The following ARID1A variants were observed in gnomAD, a reference collection of about 807,000 sequenced individuals.
ARID1A encodes the protein AT-rich interaction domain 1A.
Under a neutral mutation model 212.6 loss-of-function variants are expected in ARID1A, and 20 were observed. The ratio of observed to expected loss-of-function variants is 0.09; its 90% CI spans 0.07 to 0.14. The LOEUF (loss-of-function observed/expected upper bound fraction) is 0.14, where lower values mean the gene tolerates loss of function less well. Ranked by LOEUF, ARID1A falls within the 10% of genes least tolerant of loss-of-function variation. ARID1A has a pLI of 1.00. For missense variants in ARID1A, 2,587 were observed against 3,059.0 expected (o/e 0.85, Z 3.64); for synonymous variants, 1,376 against 1,222.1 (o/e 1.13, Z -2.63).
At position 26,779,809 on chromosome 1, in the gene ARID1A, C is replaced by T. The variant is rs372543523; in HGVS notation, c.5911C>T (p.Leu1971=). 1.2e-6 allele frequency: 2 copies of T among 1,614,116 alleles called. No homozygotes were observed. The highest frequency in any genetic ancestry group is 1.7e-6 in the Non-Finnish European group (2 of 1,180,024). ...SKDETPLCTL[L]DWQDSLAKRC... Reference sequence around the variant, plus strand: ...GGATGAGACCCCACTGTGTACCCTTCTGGACTGGCAGGATTCTCTTGCCAA... The same window carrying T: ...GGATGAGACCCCACTGTGTACCCTTTTGGACTGGCAGGATTCTCTTGCCAA... Residue 1971 remains leucine (L), a synonymous_variant, in exon 20 of 20, where the codon CTG becomes TTG. Coordinates refer to ENST00000324856, the MANE Select transcript of ARID1A (RefSeq NM_006015.6).
intron 4 of ARID1A, among the ~76,000 whole-genome samples, chr1:26,740,487 A>C (rs574128769): frequency 3.5e-4 from 54 of 152,342 alleles, no homozygotes; most frequent in African/African-American, 1.2e-3. Flanking sequence ...ACAAAGGGAA[A>C]GTCCAGCTTG....
At chr1:26,755,878 G>T (rs1383716197) in intron 4 of ARID1A, among the ~76,000 whole-genome samples, 1 of 151,752 alleles carries the variant, frequency 6.6e-6, no homozygotes, top group Non-Finnish European at 1.5e-5. Flanking sequence ...CGAGTAACTG[G>T]GACTGCAGGC....
rs893831781 is a variant in ARID1A, at chr1:26,730,005, C to A, written c.1350+142C>A. 3 of 1,050,156 alleles carry A rather than the reference C, an allele frequency of 2.9e-6. No individual in the cohort carries two copies. The African/African-American group carries it at 4.8e-5, about 17-fold the overall frequency. The allele number at this position is 1,050,156 out of a possible 1,614,324, so 65.1% of individuals were successfully genotyped here. On this transcript the variant is annotated intron_variant, in intron 2 of 19. Transcript: ENST00000324856. ...TGGCTCAGTTAATTACAGAGTGCTA[C>A]TAACAAAGCCAAAGCTATAGGCACC...
chr1:26,762,129 A>T (rs370601808), intron 6 of ARID1A, 23 bp from the exon 7 acceptor site: 2 of 1,603,302 alleles, frequency 1.2e-6, no homozygotes, highest in African/African-American at 2.7e-5. Flanking sequence ...GCTAATAACT[A>T]TATGGATGCT....
At chr1:26,733,554 T>G (rs989891286) in intron 4 of ARID1A, among the ~76,000 whole-genome samples, 3 of 152,226 alleles carry the variant, frequency 2.0e-5, no homozygotes, top group Non-Finnish European at 4.4e-5. Context: ...ATTGGGACTG[T>G]GCTTTATACC....
intron 4 of ARID1A, among the ~76,000 whole-genome samples, chr1:26,737,789 T>C (rs1393662893): frequency 6.6e-6 from 1 of 150,734 alleles, no homozygotes; most frequent in Non-Finnish European, 1.5e-5. Flanking sequence ...CGCTTGAACC[T>C]GGGAGGCAGA....
At position 26,774,589 on chromosome 1, in the gene ARID1A, A is replaced by G. The variant is rs2081115967; in HGVS notation, c.4362A>G (p.Gln1454=). Residue 1454 remains glutamine, a synonymous_variant, in exon 18 of 20, where the codon CAA becomes CAG. Coordinates refer to ENST00000324856, the MANE Select transcript of ARID1A (RefSeq NM_006015.6). The surrounding 1 kb of genome is among the most constrained non-coding windows in gnomAD (Gnocchi z 5.6). Reference sequence around the variant, plus strand: ...GACCAGCAGGCGGCCCCCAGAACCAATTTCCATTCCAGTTTGGCCGAGACC... The same window carrying G: ...GACCAGCAGGCGGCCCCCAGAACCAGTTTCCATTCCAGTTTGGCCGAGACC... The part of the protein sequence containing the change: ...ERRPAGGPQN[Q]FPFQFGRDRV... 6.2e-7 allele frequency: 1 copy of G among 1,614,012 alleles called. No homozygotes were observed. Among genetic ancestry groups the G allele is most frequent in the South Asian group, 1.1e-5 (1 of 91,084 alleles).
rs2124742834 is a variant in ARID1A, at chr1:26,697,042, C to T, written c.639C>T (p.Asn213=). ...ACGGCTTCCCCAACCACCAGTACAACTCCTACTACCCCAACCGCAGCGCCT... is the reference window on the plus strand; with the variant it reads ...ACGGCTTCCCCAACCACCAGTACAATTCCTACTACCCCAACCGCAGCGCCT... ...HDHGFPNHQY[N]SYYPNRSAYP... is the part of the protein sequence containing the mutation. The change falls in exon 1 of 20, where the codon AAC becomes AAT. Residue 213 remains asparagine, a synonymous_variant. Transcript: ENST00000324856. 2 of 1,539,640 alleles carry T rather than the reference C, an allele frequency of 1.3e-6. No individual in the cohort carries two copies. Among genetic ancestry groups the T allele is most frequent in the South Asian group, 1.2e-5 (1 of 82,972 alleles).
chr1:26,708,517 C>G (rs1297965419), intron 1 of ARID1A, among the ~76,000 whole-genome samples: 1 of 151,354 alleles, frequency 6.6e-6, no homozygotes, highest in Non-Finnish European at 1.5e-5. Flanking sequence ...AACTCCTGAC[C>G]TTGTGATCCA....
rs2124145412 is a variant in ARID1A at position 26,779,955 on chromosome 1, C to T, written c.6057C>T (p.His2019=). ...TGGGCAAGCTGATCCTGCTGCACCA[C>T]AAGCACCCAGAACGGAAGCAGGCAC... The part of the protein sequence containing the change: ...LILGKLILLH[H]KHPERKQAPL... Residue 2019 remains histidine, a synonymous_variant, in exon 20 of 20, where the codon CAC becomes CAT. Coordinates refer to ENST00000324856, the MANE Select transcript of ARID1A (RefSeq NM_006015.6). 1 of 1,614,186 alleles carries T rather than the reference C, an allele frequency of 6.2e-7. No individual in the cohort carries two copies. The highest frequency in any genetic ancestry group is 8.5e-7 in the Non-Finnish European group (1 of 1,180,026).
At chr1:26,720,671 A>G (rs2080554561) in intron 1 of ARID1A, among the ~76,000 whole-genome samples, 1 of 152,010 alleles carries the variant, frequency 6.6e-6, no homozygotes, top group African/African-American at 2.4e-5. Flanking sequence ...TGAGCTTAGG[A>G]GTTGAAGAAC....
chr1:26,744,061 C>G (rs2080814088), intron 4 of ARID1A, among the ~76,000 whole-genome samples: 1 of 152,114 alleles, frequency 6.6e-6, no homozygotes, highest in Non-Finnish European at 1.5e-5. Context: ...CTCTCAGAGT[C>G]TCGAAAAGGA....
chr1:26,758,793 T>C (rs2080964445), intron 4 of ARID1A, among the ~76,000 whole-genome samples: 1 of 152,180 alleles, frequency 6.6e-6, no homozygotes. Flanking sequence ...CGAATTCTCA[T>C]TGCATTTTTA....
intron 1 of ARID1A, among the ~76,000 whole-genome samples, chr1:26,723,835 C>T (rs913930215): frequency 2.6e-5 from 4 of 152,078 alleles, no homozygotes; most frequent in African/African-American, 7.2e-5. Context: ...CACAACCACT[C>T]GCGCTCTCAT....
At chr1:26,714,192 C>T (rs1309964506) in intron 1 of ARID1A, among the ~76,000 whole-genome samples, 1 of 152,110 alleles carries the variant, frequency 6.6e-6, no homozygotes, top group African/African-American at 2.4e-5. Flanking sequence ...CTGGTATGGC[C>T]CTGTATACTC....
At chr1:26,701,388 T>C (rs2124750318) in intron 1 of ARID1A, among the ~76,000 whole-genome samples, 1 of 152,302 alleles carries the variant, frequency 6.6e-6, no homozygotes, top group East Asian at 1.9e-4. Flanking sequence ...TTTTTCCTTG[T>C]TTAGATTGGT....
At chr1:26,761,323 T>G in intron 5 of ARID1A, 61 bp from the exon 6 acceptor site, 1 of 1,591,370 alleles carries the variant, frequency 6.3e-7, no homozygotes, top group East Asian at 2.2e-5. Flanking sequence ...TGAATTAACT[T>G]CCTAGTTAGA....
At position 26,696,676 on chromosome 1, in the gene ARID1A, C is replaced by A; in HGVS notation, c.273C>A (p.Gly91=). ...GGGGGGGAGS[G]GGPGAEPDLK... is the part of the protein sequence containing the mutation. Reference sequence around the variant, plus strand: ...GCGGCGGCGGCGGAGCCGGCAGCGGCGGCGGGCCCGGCGCGGAGCCGGACC... The same window carrying A: ...GCGGCGGCGGCGGAGCCGGCAGCGGAGGCGGGCCCGGCGCGGAGCCGGACC... Residue 91 remains glycine (G), a synonymous_variant, in exon 1 of 20, where the codon GGC becomes GGA. Transcript: ENST00000324856. 2 of 1,323,708 alleles carry A rather than the reference C, an allele frequency of 1.5e-6. No homozygotes were observed. Among genetic ancestry groups the A allele is most frequent in the South Asian group, 2.1e-5 (1 of 46,718 alleles). The allele number at this position is 1,323,708 out of a possible 1,614,324, so 82.0% of individuals were successfully genotyped here.
chr1:26,714,793 C>T (rs936520884), intron 1 of ARID1A, among the ~76,000 whole-genome samples: 5 of 152,152 alleles, frequency 3.3e-5, no homozygotes, highest in African/African-American at 1.2e-4. Flanking sequence ...TCAGAGTGGA[C>T]TTAGGGGGAC....
Sources: allele counts gnomAD v4.1 joint callset (sites outside exome capture counted in the v4.1 genomes callset), GRCh38; gene constraint gnomAD v4.1.1; non-coding constraint Gnocchi (gnomAD v3.1); transcripts MANE v1.5; gene names NCBI Gene and HGNC (gene_info 2026-07-23, HGNC 2026-07-21).